Variants in TNRC18 observed in about 807,000 individuals in gnomAD.
TNRC18 encodes trinucleotide repeat containing 18, also known as trinucleotide repeat-containing gene 18 protein.
TNRC18 carries 69 observed loss-of-function variants against 226.7 expected under a neutral mutation model. The observed-to-expected ratio is 0.30, with a 90% CI of 0.25 to 0.37. TNRC18 has a LOEUF of 0.37. Ranked by LOEUF, TNRC18 falls within the 10% of genes least tolerant of loss-of-function variation. TNRC18 has a pLI of 1.00. For missense variants in TNRC18, 4,754 were observed against 4,256.6 expected, an observed-to-expected ratio of 1.12 and a Z score of -3.25; for synonymous variants, 2,449 against 1,927.6, an observed-to-expected ratio of 1.27 and a Z score of -7.09.
chr7:5,325,425 TTTG>T lies in TNRC18; in HGVS notation c.6148-180_6148-178del, dbSNP rs1788806095. On this transcript the variant is annotated intron_variant, in intron 19 of 29. Transcript: ENST00000430969. Reference sequence around the variant, plus strand: ...AAGCGTTTTTGGTTTTGGGTTTTTTTTTGTTTTTTTTTTTTTGAGACGGAGTCT... The same window carrying T: ...AAGCGTTTTTGGTTTTGGGTTTTTTTTTTTTTTTTTTTTGAGACGGAGTCT... 47 of 672,036 alleles carry T rather than the reference TTTG, an allele frequency of 7.0e-5. No individual in the cohort carries two copies. In the East Asian group the frequency reaches 7.7e-4, roughly 11 times the overall value. The allele number at this position is 672,036 out of a possible 1,614,324, so 41.6% of individuals were successfully genotyped here. A position where few individuals can be genotyped will look rare whatever the true frequency, so the allele number is the denominator to read the frequency against.
intron 21 of TNRC18, among the ~76,000 whole-genome samples, chr7:5,322,888 T>C (rs774101796): frequency 1.1e-4 from 16 of 152,330 alleles, no homozygotes; most frequent in Non-Finnish European, 1.6e-4. Context: ...CACCCTGACG[T>C]TGGGCTTGGC....
chr7:5,338,782 T>C (rs552044188), intron 18 of TNRC18, among the ~76,000 whole-genome samples: 2 of 151,150 alleles, frequency 1.3e-5, no homozygotes, highest in Admixed American at 1.3e-4. Flanking sequence ...TAGCCAGGCA[T>C]GGAGGCGCAT....
rs773873114 is a variant in TNRC18, at chr7:5,313,772, C to G, written c.7119G>C (p.Lys2373Asn). The part of the protein sequence containing the change: ...ALEPSSTPGS[K>N]KSPPEPVDKR... Reference sequence around the variant, plus strand: ...TGTCCACAGGCTCTGGGGGGCTCTTCTTGGAACCTGGGGTGCTGCTCGGCT... The same window carrying G: ...TGTCCACAGGCTCTGGGGGGCTCTTGTTGGAACCTGGGGTGCTGCTCGGCT... The change falls in exon 27 of 30, where the codon AAG (lysine) becomes AAC (asparagine). Residue 2373 changes from lysine to asparagine, a missense_variant. Physicochemically the swap from Lys to Asn is moderately conservative, Grantham distance 94 (BLOSUM62 0). Coordinates refer to ENST00000430969, the MANE Select transcript of TNRC18 (RefSeq NM_001080495.3). The G allele has an allele frequency of 1.9e-5, 30 of 1,547,390 alleles. No homozygotes were observed. The highest frequency in any genetic ancestry group is 2.4e-5 in the Non-Finnish European group (28 of 1,147,670).
chr7:5,374,283 C>G lies in TNRC18; in HGVS notation c.3001G>C (p.Val1001Leu). The change falls in exon 10 of 30, where the codon GTG becomes CTG. Residue 1001 changes from valine to leucine, a missense_variant. Transcript: ENST00000430969. ...ATGACCTTGGCCTTCAGGGCAGCCACAGGGGATGCGCGGGGTGATGGTGGC... is the reference window on the plus strand; with the variant it reads ...ATGACCTTGGCCTTCAGGGCAGCCAGAGGGGATGCGCGGGGTGATGGTGGC... ...SPPPSPRASP[V>L]AALKAKVIQK... 6.8e-7 allele frequency: 1 copy of G among 1,478,954 alleles called. No homozygotes were observed. 91.6% of individuals were successfully genotyped at this position (1,478,954 alleles called of 1,614,324 possible).
chr7:5,409,345 A>G (rs1308955175), intron 2 of TNRC18, among the ~76,000 whole-genome samples: 1 of 152,126 alleles, frequency 6.6e-6, no homozygotes, highest in Non-Finnish European at 1.5e-5. Flanking sequence ...AAACAAGAAC[A>G]GGATGCTATT....
At chr7:5,399,002 C>A (rs900292533) in intron 2 of TNRC18, among the ~76,000 whole-genome samples, 3 of 152,170 alleles carry the variant, frequency 2.0e-5, no homozygotes, top group African/African-American at 7.2e-5. Context: ...AGGCATCCCG[C>A]AACTCACAAA....
chr7:5,391,695 C>T (rs1780310923), intron 3 of TNRC18, among the ~76,000 whole-genome samples: 2 of 151,418 alleles, frequency 1.3e-5, no homozygotes, highest in African/African-American at 4.9e-5. Flanking sequence ...GAGGAGAAGT[C>T]ACCTAAGAGA....
At position 5,389,005 on chromosome 7, in the gene TNRC18, A is replaced by T; in HGVS notation, c.819T>A (p.Asn273Lys). 1 of 1,355,650 alleles carries T rather than the reference A, an allele frequency of 7.4e-7. No individual in the cohort carries two copies. Among genetic ancestry groups the T allele is most frequent in the South Asian group, 1.5e-5 (1 of 65,554 alleles). 84.0% of individuals were successfully genotyped at this position (1,355,650 alleles called of 1,614,324 possible). Residue 273 changes from asparagine (N) to lysine (K), a missense_variant, in exon 5 of 30, where the codon AAT (asparagine) becomes AAA (lysine). Coordinates refer to ENST00000430969, the MANE Select transcript of TNRC18 (RefSeq NM_001080495.3). ...SPFLAESKTK[N>K]AALQPSVLTM... is the part of the protein sequence containing the mutation. ...TCAGTACCGACGGCTGCAGCGCCGC[A>T]TTCTTGGTCTTGGACTCAGCCAGGA...
intron 17 of TNRC18, among the ~76,000 whole-genome samples, chr7:5,351,550 C>G (rs1791817448): frequency 6.6e-6 from 1 of 152,118 alleles, no homozygotes; most frequent in South Asian, 2.1e-4. Context: ...AACGCAGACT[C>G]AAAAGCAGTC....
chr7:5,369,532 T>G (rs189569996), intron 11 of TNRC18, among the ~76,000 whole-genome samples: 1 of 151,844 alleles, frequency 6.6e-6, no homozygotes, highest in African/African-American at 2.4e-5. Flanking sequence ...TAAGTCGGCC[T>G]TGAATGAGGC....
At position 5,313,681 on chromosome 7, in the gene TNRC18, T is replaced by G. The variant is rs1208356113; in HGVS notation, c.7210A>C (p.Thr2404Pro). The stretch of plus-strand genomic sequence containing the variant: ...AATGGCTCGGGTGCTGGGCAGCTGG[T>G]GAAGGCGGGTGGTGCGGGACTGGGC... ...PQPSPAPPAF[T>P]SCPAPEPFAE... Residue 2404 changes from threonine to proline, a missense_variant, in exon 27 of 30, where the codon ACC (threonine) becomes CCC (proline). Transcript: ENST00000430969. 3.1e-6 allele frequency: 5 copies of G among 1,604,974 alleles called. No individual in the cohort carries two copies. Among genetic ancestry groups the G allele is most frequent in the Non-Finnish European group, 4.2e-6 (5 of 1,176,476 alleles).
intron 21 of TNRC18, 53 bp from the exon 22 acceptor site, chr7:5,321,243 C>A: frequency 1.5e-6 from 2 of 1,296,266 alleles, no homozygotes; most frequent in Non-Finnish European, 1.1e-6. Context: ...TCTGCGACAC[C>A]TCTCCCTCCT....
chr7:5,317,467 T>TA (rs1286594589), intron 24 of TNRC18, among the ~76,000 whole-genome samples: 2 of 152,082 alleles, frequency 1.3e-5, no homozygotes, highest in African/African-American at 4.8e-5. Flanking sequence ...GGTGCATGCC[T>TA]GTAATCCCAG....
At chr7:5,344,851 C>A (rs902915220) in intron 18 of TNRC18, among the ~76,000 whole-genome samples, 2 of 152,030 alleles carry the variant, frequency 1.3e-5, no homozygotes, top group African/African-American at 4.8e-5. Context: ...CGAGAGGGTC[C>A]CAAGAAGGCA....
chr7:5,402,199 A>G (rs943647141), intron 2 of TNRC18, among the ~76,000 whole-genome samples: 7 of 150,094 alleles, frequency 4.7e-5, no homozygotes, highest in Non-Finnish European at 1.0e-4. Flanking sequence ...AAAAAAAAAA[A>G]AAGAACAGCC....
At position 5,312,469 on chromosome 7, in the gene TNRC18, C is replaced by A. The variant is rs768909980; in HGVS notation, c.8388+34G>T. 7 of 1,601,182 alleles carry A rather than the reference C, an allele frequency of 4.4e-6. No homozygotes were observed. Among genetic ancestry groups the A allele is most frequent in the Non-Finnish European group, 6.0e-6 (7 of 1,176,002 alleles). On this transcript the variant is annotated intron_variant, in intron 27 of 29. Transcript: ENST00000430969. This position sits in a 1 kb window ranked among gnomAD's most constrained non-coding sequence, Gnocchi z 6.3. ...CAGCAGAGAGACACAAGGCCCCCGG[C>A]CCCTCGGCCGTGCCCGGGCGCGAGC...
At chr7:5,387,082 A>C (rs986668927) in intron 5 of TNRC18, among the ~76,000 whole-genome samples, 6 of 152,222 alleles carry the variant, frequency 3.9e-5, no homozygotes, top group African/African-American at 1.4e-4. Flanking sequence ...TTCAAAAATA[A>C]ATAAATAAAT....
intron 18 of TNRC18, among the ~76,000 whole-genome samples, chr7:5,344,537 T>G (rs1583847091): frequency 1.3e-5 from 2 of 151,714 alleles, no homozygotes; most frequent in East Asian, 1.9e-4. Flanking sequence ...ACACTGGAGG[T>G]CAGGGGTGGG....
intron 13 of TNRC18, 51 bp downstream of exon 13, chr7:5,361,846 C>T (rs1470333865): frequency 2.0e-6 from 3 of 1,510,880 alleles, no homozygotes; most frequent in East Asian, 5.0e-5. Context: ...CGCCTGGGGG[C>T]CTGGTGGGCC....
Sources: allele counts gnomAD v4.1 joint callset (sites outside exome capture counted in the v4.1 genomes callset), GRCh38; gene constraint gnomAD v4.1.1; non-coding constraint Gnocchi (gnomAD v3.1); transcripts MANE v1.5; gene names NCBI Gene and HGNC (gene_info 2026-07-23, HGNC 2026-07-21).